Variants in FAXC observed in about 807,000 individuals in gnomAD.
The protein encoded by FAXC is failed axon connections homolog, metaxin like GST domain containing.
FAXC carries 10 observed loss-of-function variants against 41.9 expected under a neutral mutation model. The observed-to-expected ratio is 0.24, with a 90% CI of 0.15 to 0.41. The LOEUF (loss-of-function observed/expected upper bound fraction) is 0.41, where lower values mean the gene tolerates loss of function less well. FAXC is among the 10% of genes least tolerant of loss of function. The pLI is 1.00. For synonymous variants in FAXC, 183 were observed against 183.8 expected, an observed-to-expected ratio of 1.00 and a Z score of 0.03; for missense variants, 399 against 510.9, an observed-to-expected ratio of 0.78 and a Z score of 2.11.
In FAXC at chr6:99,276,766, G is replaced by A. The variant is rs1041386117; in HGVS notation, c.*4398C>T. ...ATTTCAGGAGGTCTCTAAATTTCCT[G>A]AATTTATATGTAACATTTTATGTAT... is the stretch of plus-strand genomic sequence containing the variant. On this transcript the variant is annotated 3_prime_UTR_variant, in exon 6 of 6. Transcript: ENST00000389677. 4 of 152,124 alleles carry A rather than the reference G, an allele frequency of 2.6e-5. No homozygotes were observed. The highest frequency in any genetic ancestry group is 2.9e-5 in the Non-Finnish European group (2 of 68,024). The allele number at this position is 152,124 out of a possible 1,614,324, so 9.4% of individuals were successfully genotyped here.
Position 99,333,528 on chromosome 6 carries a change from A to G in FAXC, c.422T>C (p.Leu141Pro), listed in dbSNP as rs758960285. Residue 141 changes from leucine to proline, a missense_variant, in exon 3 of 6, where the codon CTC (leucine) becomes CCC (proline). This residue lies in a region of FAXC where 239 missense variants were observed against 352.7 expected (regional missense o/e 0.68). Coordinates refer to ENST00000389677, the MANE Select transcript of FAXC (RefSeq NM_032511.4). ...LPYQNYFGGK[L>P]SAQGKMPWIE... is the part of the protein sequence containing the mutation. ...CCAAGGCATTTTCCCTTGAGCAGAG[A>G]GTTTTCCACCAAAATAGTTCTAAGC... is the stretch of plus-strand genomic sequence containing the variant. The G allele has an allele frequency of 9.9e-6, 16 of 1,610,396 alleles. No individual in the cohort carries two copies. Among genetic ancestry groups the G allele is most frequent in the African/African-American group, 2.7e-5 (2 of 74,594 alleles).
At position 99,273,386 on chromosome 6, in the gene FAXC, C is replaced by A. The variant is rs560429315; in HGVS notation, c.*7778G>T. On this transcript the variant is annotated 3_prime_UTR_variant, in exon 6 of 6. Coordinates refer to ENST00000389677, the MANE Select transcript of FAXC (RefSeq NM_032511.4). ...GAGATGATGAATTATCAGGCATTAT[C>A]AAAACATGTTTTTCAGATTGATGCT... The A allele has an allele frequency of 1.3e-5, 2 of 151,788 alleles. No homozygotes were observed. The highest frequency in any genetic ancestry group is 3.9e-4 in the East Asian group (2 of 5,170). The allele number at this position is 151,788 out of a possible 1,614,324, so 9.4% of individuals were successfully genotyped here.
chr6:99,290,627 G>A (rs1251714924), intron 5 of FAXC, among the ~76,000 whole-genome samples: 5 of 151,060 alleles, frequency 3.3e-5, no homozygotes, highest in Non-Finnish European at 4.4e-5. Context: ...TCTTGAACCC[G>A]GGAGGCGGAG....
At chr6:99,331,678 G>A (rs1052774387) in intron 3 of FAXC, among the ~76,000 whole-genome samples, 11 of 152,214 alleles carry the variant, frequency 7.2e-5, no homozygotes, top group Admixed American at 2.6e-4. Flanking sequence ...CAAAGCAACA[G>A]CTCTGGCAAT....
At chr6:99,306,127 T>C (rs1250758755) in intron 4 of FAXC, among the ~76,000 whole-genome samples, 1 of 151,674 alleles carries the variant, frequency 6.6e-6, no homozygotes, top group Non-Finnish European at 1.5e-5. Context: ...TCAAGCAGGA[T>C]CGAGCAGGCA....
chr6:99,346,326 T>G (rs4839746), intron 1 of FAXC, among the ~76,000 whole-genome samples: 53,134 of 152,010 alleles, frequency 0.35, 9,723 homozygotes, highest in South Asian at 0.56. Context: ...CTGTCTTCCC[T>G]GAGCAATGCT....
intron 1 of FAXC, among the ~76,000 whole-genome samples, chr6:99,343,823 T>G (rs1312829845): frequency 6.6e-6 from 1 of 152,154 alleles, no homozygotes; most frequent in Non-Finnish European, 1.5e-5. Flanking sequence ...CTGGATGCTC[T>G]CTCTCTAGCT....
In FAXC at chr6:99,281,303, T is replaced by G; in HGVS notation, c.1091A>C (p.Tyr364Ser). The change falls in exon 6 of 6, where the codon TAC becomes TCC. Residue 364 changes from tyrosine to serine, a missense_variant. Physicochemically the swap from Tyr to Ser is moderately radical, Grantham distance 144 (BLOSUM62 -2). This residue lies in a region of FAXC where 92 missense variants were observed against 94.9 expected (regional missense o/e 0.97). Transcript: ENST00000389677. The part of the protein sequence containing the change: ...THTPLLDFSF[Y>S]SRTETFEDEG... Reference sequence around the variant, plus strand: ...ATCTTCAAAGGTCTCTGTCCTTGAGTAAAAGCTAAAATCCAGCAGCGGGGT... The same window carrying G: ...ATCTTCAAAGGTCTCTGTCCTTGAGGAAAAGCTAAAATCCAGCAGCGGGGT... 2 of 1,614,180 alleles carry G rather than the reference T, an allele frequency of 1.2e-6. No homozygotes were observed. The highest frequency in any genetic ancestry group is 1.7e-6 in the Non-Finnish European group (2 of 1,180,022).
Position 99,272,374 on chromosome 6 carries a change from C to G in FAXC, c.*8790G>C, listed in dbSNP as rs1770442437. ...ATTTTTAGTAGAGACAGGGTTTCTC[C>G]ATGTTGGTCAGGCTGGTCTCAAACT... On this transcript the variant is annotated 3_prime_UTR_variant, in exon 6 of 6. Transcript: ENST00000389677. The G allele has an allele frequency of 6.6e-6, 1 of 152,154 alleles. No individual in the cohort carries two copies. The highest frequency in any genetic ancestry group is 2.4e-5 in the African/African-American group (1 of 41,408). The allele number at this position is 152,154 out of a possible 1,614,324, so 9.4% of individuals were successfully genotyped here. A position where few individuals can be genotyped will look rare whatever the true frequency, so the allele number is the denominator to read the frequency against.
At chr6:99,312,492 G>T (rs1772188158) in intron 4 of FAXC, among the ~76,000 whole-genome samples, 1 of 152,158 alleles carries the variant, frequency 6.6e-6, no homozygotes, top group South Asian at 2.1e-4. Flanking sequence ...ATCTACAAGT[G>T]GGTGTCTGAA....
At chr6:99,317,997 G>A (rs897820973) in intron 4 of FAXC, among the ~76,000 whole-genome samples, 6 of 152,114 alleles carry the variant, frequency 3.9e-5, no homozygotes, top group Non-Finnish European at 8.8e-5. Flanking sequence ...GGTGGCTCAC[G>A]CCTGTAATCC....
rs1431245015 is a variant in FAXC at position 99,280,614 on chromosome 6, T to C, written c.*550A>G. 6.5e-6 allele frequency: 1 copy of C among 153,462 alleles called. No homozygotes were observed. Among genetic ancestry groups the C allele is most frequent in the Non-Finnish European group, 1.4e-5 (1 of 68,982 alleles). 9.5% of individuals were successfully genotyped at this position (153,462 alleles called of 1,614,324 possible). On this transcript the variant is annotated 3_prime_UTR_variant, in exon 6 of 6. Transcript: ENST00000389677. Reference sequence around the variant, plus strand: ...GTCACTGGCAGGGCTTAGAATAAAATGTATACTGATTAGCACCTAGCACAG... The same window carrying C: ...GTCACTGGCAGGGCTTAGAATAAAACGTATACTGATTAGCACCTAGCACAG...
intron 4 of FAXC, among the ~76,000 whole-genome samples, chr6:99,304,760 G>A (rs150180989): frequency 6.6e-4 from 101 of 152,296 alleles, no homozygotes; most frequent in African/African-American, 2.4e-3. Flanking sequence ...CCTTCAGGAT[G>A]ACAATGTCCA....
intron 4 of FAXC, among the ~76,000 whole-genome samples, chr6:99,314,612 T>C (rs1350836068): frequency 6.6e-6 from 1 of 152,080 alleles, no homozygotes; most frequent in Non-Finnish European, 1.5e-5. Context: ...ATGAAACGGA[T>C]ATAGGATCAC....
intron 3 of FAXC, among the ~76,000 whole-genome samples, chr6:99,331,445 G>A (rs1439245176): frequency 6.6e-6 from 1 of 152,160 alleles, no homozygotes; most frequent in Non-Finnish European, 1.5e-5. Flanking sequence ...GGAAGAGATG[G>A]AAAGGGCAGG....
rs1431510868 is a variant in FAXC, at chr6:99,273,246, AT to A, written c.*7917del. ...CATTAGCCCCGAAATGTGGGTTCAA[AT>A]TATGCCAACATTGGCCCTTCCTATC... On this transcript the variant is annotated 3_prime_UTR_variant, in exon 6 of 6. Transcript: ENST00000389677. The A allele has an allele frequency of 6.6e-6, 1 of 152,110 alleles. No homozygotes were observed. The highest frequency in any genetic ancestry group is 1.5e-5 in the Non-Finnish European group (1 of 68,036). 9.4% of individuals were successfully genotyped at this position (152,110 alleles called of 1,614,324 possible). A position where few individuals can be genotyped will look rare whatever the true frequency, so the allele number is the denominator to read the frequency against.
At chr6:99,341,572 A>C (rs1215750907) in intron 2 of FAXC, among the ~76,000 whole-genome samples, 1 of 152,220 alleles carries the variant, frequency 6.6e-6, no homozygotes, top group African/African-American at 2.4e-5. Context: ...TTTTATATGT[A>C]CCTAACAATG....
At chr6:99,283,544 T>C (rs1184820719) in intron 5 of FAXC, among the ~76,000 whole-genome samples, 1 of 152,182 alleles carries the variant, frequency 6.6e-6, no homozygotes. Flanking sequence ...TATGTAAAAA[T>C]CTATTCTCTT....
In FAXC at chr6:99,349,319, G is replaced by A. The variant is rs1456790717; in HGVS notation, c.54C>T (p.Ser18=). 2 of 1,613,054 alleles carry A rather than the reference G, an allele frequency of 1.2e-6. No homozygotes were observed. The highest frequency in any genetic ancestry group is 2.2e-5 in the East Asian group (1 of 44,876). Residue 18 remains serine, a synonymous_variant, in exon 1 of 6, where the codon AGC becomes AGT. Transcript: ENST00000389677. ...CGAAGAAGGAGATGCTCTGGTTCCA[G>A]CTCAGATCCACCACGCACGGCCTGG... ...ASSRPCVVDL[S]WNQSISFFGW...
Sources: allele counts gnomAD v4.1 joint callset (sites outside exome capture counted in the v4.1 genomes callset), GRCh38; gene constraint gnomAD v4.1.1; regional missense constraint gnomAD v4.1.1; transcripts MANE v1.5; gene names NCBI Gene and HGNC (gene_info 2026-07-23, HGNC 2026-07-21).